Variants in MED16 observed in about 807,000 individuals in gnomAD.
MED16 encodes mediator of RNA polymerase II transcription subunit 16.
Under a neutral mutation model 84.4 loss-of-function variants are expected in MED16, and 81 were observed. That is an observed-to-expected ratio of 0.96 (90% CI 0.80 to 1.15). The LOEUF is 1.15. Among genes scored for constraint, MED16 ranks in the 50% most tolerant of loss-of-function variants. The pLI, the probability that MED16 is intolerant of heterozygous loss-of-function variation, is 0.00. For synonymous variants in MED16, 897 were observed against 552.2 expected (o/e 1.62, Z -8.76); for missense variants, 1,585 against 1,245.9 (o/e 1.27, Z -4.10).
chr19:871,018 A>C lies in MED16; in HGVS notation c.2315+19T>G. On this transcript the variant is annotated intron_variant, in intron 13 of 15. Transcript: ENST00000325464. ...GGAAGGAGTCCTGTGTTTGGGGACC[A>C]ATGCAGGGACACACGCACCTGGCGA... 1 of 1,527,184 alleles carries C rather than the reference A, an allele frequency of 6.5e-7. No individual in the cohort carries two copies. Among genetic ancestry groups the C allele is most frequent in the Non-Finnish European group, 8.8e-7 (1 of 1,130,330 alleles). 94.6% of individuals were successfully genotyped at this position (1,527,184 alleles called of 1,614,324 possible).
rs559012987 is a variant in MED16, at chr19:875,420, G to A, written c.1595C>T (p.Ser532Leu). ...LSTRILAMKA[S>L]LCKLSPCTVT... ...CGTGCAGGGCGACAGCTTGCAGAGC[G>A]AGGCCTTCATGGCCAGGATCCGGGT... Residue 532 changes from serine (S) to leucine (L), a missense_variant, in exon 10 of 16, where the codon TCG (serine) becomes TTG (leucine). Transcript: ENST00000325464. 1.3e-5 allele frequency: 21 copies of A among 1,605,720 alleles called. No homozygotes were observed. The highest frequency in any genetic ancestry group is 2.2e-5 in the East Asian group (1 of 44,868).
In MED16 at chr19:875,322, G is replaced by A. The variant is rs769130370; in HGVS notation, c.1693C>T (p.Arg565Cys). ...TCAGGCGTGTTGAGAAAGTGGGGGC[G>A]CAGCAGCGACTTCAGGGTGGAGCTG... ...AISSTLKSLL[R>C]PHFLNTPDKS... The change falls in exon 10 of 16, where the codon CGC becomes TGC. Residue 565 changes from arginine to cysteine, a missense_variant. Arg to Cys is a radical substitution (Grantham distance 180). Coordinates refer to ENST00000325464, the MANE Select transcript of MED16 (RefSeq NM_005481.3). 20 of 1,610,562 alleles carry A rather than the reference G, an allele frequency of 1.2e-5. No homozygotes were observed. Among genetic ancestry groups the A allele is most frequent in the East Asian group, 4.5e-5 (2 of 44,888 alleles).
intron 13 of MED16, among the ~76,000 whole-genome samples, chr19:869,158 G>A (rs562787343): frequency 7.9e-5 from 12 of 152,174 alleles, no homozygotes; most frequent in South Asian, 4.2e-4. Flanking sequence ...ACGGAGGAGG[G>A]TTGGTCTCCC....
chr19:873,947 C>G (rs985936436), intron 10 of MED16, among the ~76,000 whole-genome samples: 1 of 152,166 alleles, frequency 6.6e-6, no homozygotes, highest in Non-Finnish European at 1.5e-5. Context: ...CAGCGTGCAG[C>G]TGCAGCCACC....
At chr19:873,757 A>T (rs1474064963) in intron 10 of MED16, among the ~76,000 whole-genome samples, 175 bp from the exon 11 acceptor site, 1 of 151,832 alleles carries the variant, frequency 6.6e-6, no homozygotes, top group Non-Finnish European at 1.5e-5. Context: ...AGGAACTGGG[A>T]GCCCACTGCC....
chr19:869,253 G>A (rs902716731), intron 13 of MED16, among the ~76,000 whole-genome samples: 8 of 152,172 alleles, frequency 5.3e-5, no homozygotes, highest in East Asian at 1.9e-4. Flanking sequence ...CCACGTGCCC[G>A]GGGAGCCTGA....
chr19:872,436 G>A (rs1250358981), intron 11 of MED16, among the ~76,000 whole-genome samples: 1 of 152,028 alleles, frequency 6.6e-6, no homozygotes, highest in Non-Finnish European at 1.5e-5. Context: ...CTACAGCTGC[G>A]GGCCCGGGCC....
rs2036410190 is a variant in MED16, at chr19:881,021, C to T, written c.1141+538G>A. ...TGCATCCCCTCAACCTCTCTGCAGG[C>T]TCTGAGGAACAGCCCTGAGCCCCGA... On this transcript the variant is annotated intron_variant, in intron 7 of 15. Coordinates refer to ENST00000325464, the MANE Select transcript of MED16 (RefSeq NM_005481.3). Among the ~76,000 whole-genome samples the T allele has an allele frequency of 1.3e-5, 2 of 152,186 alleles. 1 individual carries two copies. Among genetic ancestry groups the T allele is most frequent in the African/African-American group, 4.8e-5 (2 of 41,436 alleles).
At chr19:890,864 TGA>T in intron 2 of MED16, 97 bp downstream of exon 2, 1 of 1,324,678 alleles carries the variant, frequency 7.5e-7, no homozygotes, top group Non-Finnish European at 1.0e-6. Flanking sequence ...AGAGGTGGCC[TGA>T]GAGACCGAGT....
At chr19:880,219 C>T (rs570922221) in intron 7 of MED16, 71 bp from the exon 8 acceptor site, 2 of 1,432,652 alleles carry the variant, frequency 1.4e-6, no homozygotes, top group South Asian at 1.3e-5. Context: ...GGGCCTCCTG[C>T]TCTGCAGGGT....
In MED16 at chr19:881,709, C is replaced by T. The variant is rs1203646192; in HGVS notation, c.991G>A (p.Asp331Asn). 3 of 1,608,278 alleles carry T rather than the reference C, an allele frequency of 1.9e-6. No individual in the cohort carries two copies. The highest frequency in any genetic ancestry group is 2.2e-5 in the East Asian group (1 of 44,748). The change falls in exon 7 of 16, where the codon GAC becomes AAC. Residue 331 changes from aspartate (D) to asparagine (N), a missense_variant. Physicochemically the swap from Asp to Asn is conservative, Grantham distance 23. Coordinates refer to ENST00000325464, the MANE Select transcript of MED16 (RefSeq NM_005481.3). ...CATTTGAGAATTGTGGGCTGTTTGT[C>T]GCCAACTGAAAAATCAGGGGCAGGA... ...IFQQISPVVG[D>N]KQPTILKWRI...
In MED16 at chr19:872,102, G is replaced by A. The variant is rs777294692; in HGVS notation, c.1922C>T (p.Pro641Leu). 45 of 1,605,188 alleles carry A rather than the reference G, an allele frequency of 2.8e-5. No individual in the cohort carries two copies. Among genetic ancestry groups the A allele is most frequent in the African/African-American group, 1.5e-4 (11 of 74,460 alleles). The change falls in exon 12 of 16, where the codon CCG becomes CTG. Residue 641 changes from proline (P) to leucine (L), a missense_variant. Coordinates refer to ENST00000325464, the MANE Select transcript of MED16 (RefSeq NM_005481.3). ...SLPNQGSLLR[P>L]GHSFLRDGTS... ...GCCGTCCCGCAGAAAGCTGTGGCCCGGCCTCAGCAGGGAACCCTGCCCGAA... is the reference window on the plus strand; with the variant it reads ...GCCGTCCCGCAGAAAGCTGTGGCCCAGCCTCAGCAGGGAACCCTGCCCGAA...
chr19:889,921 A>G (rs1448125506), intron 3 of MED16, 114 bp from the exon 4 acceptor site: 3 of 1,277,556 alleles, frequency 2.3e-6, no homozygotes, highest in African/African-American at 3.0e-5. Context: ...CGGCCCAGGT[A>G]GGGCACAGCA....
At chr19:890,583 GT>G (rs1428306150) in intron 2 of MED16, among the ~76,000 whole-genome samples, 21 of 152,182 alleles carry the variant, frequency 1.4e-4, no homozygotes, top group African/African-American at 5.1e-4. Flanking sequence ...TAATGACCAC[GT>G]ATTATGAGTG....
chr19:873,551 C>CG lies in MED16; in HGVS notation c.1802dup (p.Glu602GlyfsTer102), dbSNP rs745908424. On this transcript the variant is annotated frameshift_variant, in exon 11 of 16. Transcript: ENST00000325464. LOFTEE classifies it high-confidence loss of function. ...TGTTCATGTCCAGCACAAATTCCTCCGTCTTGAGGTTGATCATGACCTTGT... is the reference window on the plus strand; with the variant it reads ...TGTTCATGTCCAGCACAAATTCCTCCGGTCTTGAGGTTGATCATGACCTTGT... The CG allele has an allele frequency of 3.1e-6, 5 of 1,612,380 alleles. No individual in the cohort carries two copies. Among genetic ancestry groups the CG allele is most frequent in the Non-Finnish European group, 4.2e-6 (5 of 1,179,708 alleles).
intron 5 of MED16, 126 bp from the exon 6 acceptor site, chr19:885,134 C>T (rs2036500401): frequency 5.9e-6 from 4 of 674,308 alleles, no homozygotes; most frequent in African/African-American, 5.4e-5. Context: ...CACGCCTGCC[C>T]CTCGGGCCCT....
chr19:884,776 G>A (rs2036491503), intron 6 of MED16, 127 bp downstream of exon 6: 3 of 700,132 alleles, frequency 4.3e-6, no homozygotes, highest in East Asian at 5.4e-5. Flanking sequence ...GGAGATCGAG[G>A]CGAGACGATC....
In MED16 at chr19:889,520, C is replaced by T. The variant is rs999592888; in HGVS notation, c.447+118G>A. On this transcript the variant is annotated intron_variant, in intron 4 of 15. Transcript: ENST00000325464. ...TGACAGCCGGACTGCAGGTGGGAGC[C>T]AAGTGCAAGGTCCAAAAAACCAGGG... The T allele has an allele frequency of 8.0e-6, 10 of 1,244,474 alleles. No homozygotes were observed. In the Admixed American group the frequency reaches 1.0e-4, roughly 13 times the overall value. The allele number at this position is 1,244,474 out of a possible 1,614,324, so 77.1% of individuals were successfully genotyped here.
At chr19:880,244 C>T (rs895255350) in intron 7 of MED16, 96 bp from the exon 8 acceptor site, 6 of 1,223,824 alleles carry the variant, frequency 4.9e-6, no homozygotes, top group Non-Finnish European at 6.5e-6. Flanking sequence ...AGAGCCGGGG[C>T]TGCCCATCCA....
Sources: allele counts gnomAD v4.1 joint callset (sites outside exome capture counted in the v4.1 genomes callset), GRCh38; gene constraint gnomAD v4.1.1; transcripts MANE v1.5; gene names NCBI Gene and HGNC (gene_info 2026-07-23, HGNC 2026-07-21).